Variants in PLOD2 observed in about 807,000 individuals in gnomAD.
PLOD2 encodes procollagen-lysine,2-oxoglutarate 5-dioxygenase 2, also known as lysine hydroxylase 2.
PLOD2 carries 65 observed loss-of-function variants against 101.0 expected under a neutral mutation model. The observed-to-expected ratio is 0.64, with a 90% CI of 0.53 to 0.79. The LOEUF (loss-of-function observed/expected upper bound fraction) is 0.79. Ranked by LOEUF, PLOD2 falls within the 30% of genes least tolerant of loss-of-function variation. The pLI is 0.00. For missense variants in PLOD2, 909 were observed against 914.6 expected (o/e 0.99, Z 0.08); for synonymous variants, 314 against 302.9 (o/e 1.04, Z -0.38).
At chr3:146,088,170 C>G (rs1936850479) in intron 9 of PLOD2, among the ~76,000 whole-genome samples, 1 of 151,580 alleles carries the variant, frequency 6.6e-6, no homozygotes, top group Non-Finnish European at 1.5e-5. Flanking sequence ...TGTAATTAAT[C>G]AAAACAGTAC....
In PLOD2 at chr3:146,106,557, T is replaced by C. The variant is rs1403840607; in HGVS notation, c.590A>G (p.Lys197Arg). Residue 197 changes from lysine to arginine, a missense_variant, in exon 5 of 20, where the codon AAA becomes AGA. By Grantham distance (26) the Lys-to-Arg change is conservative. Transcript: ENST00000282903. ...CCTTTTCAGTGGATCAATGTAAACTTTAGTGTAAAAGAGCTGATCATCATC... is the reference window on the plus strand; with the variant it reads ...CCTTTTCAGTGGATCAATGTAAACTCTAGTGTAAAAGAGCTGATCATCATC... ...DNDDDQLFYT[K>R]VYIDPLKREA... The C allele has an allele frequency of 2.6e-6, 4 of 1,562,888 alleles. No individual in the cohort carries two copies. The African/African-American group carries it at 5.4e-5, about 21-fold the overall frequency.
intron 7 of PLOD2, among the ~76,000 whole-genome samples, chr3:146,093,871 T>C (rs1292568954): frequency 2.6e-5 from 4 of 152,206 alleles, no homozygotes; most frequent in Admixed American, 2.6e-4. Context: ...GGAATTAAAC[T>C]TGTCACTTTC....
At chr3:146,107,622 ATTTTTTTTTTTTTTTT>A (rs71158215) in intron 4 of PLOD2, among the ~76,000 whole-genome samples, 3 of 68,870 alleles carry the variant, frequency 4.4e-5, no homozygotes, top group African/African-American at 5.8e-5. Flanking sequence ...TGCCATATAA[ATTTTTTTTTTTTTTTT>A]TTTTTTTTTT....
intron 3 of PLOD2, among the ~76,000 whole-genome samples, 167 bp downstream of exon 3, chr3:146,120,945 A>C (rs2108090935): frequency 6.6e-6 from 1 of 151,574 alleles, no homozygotes; most frequent in Middle Eastern, 3.4e-3. Flanking sequence ...CTGGTCTTGA[A>C]CTCCTGACCT....
chr3:146,075,764 G>C (rs1205573517), intron 15 of PLOD2, among the ~76,000 whole-genome samples: 2 of 151,456 alleles, frequency 1.3e-5, no homozygotes, highest in African/African-American at 4.8e-5. Context: ...TGGTGCTTTT[G>C]AATACACAAA....
rs150167832 is a variant in PLOD2 at position 146,085,418 on chromosome 3, G to A, written c.1128-145C>T. On this transcript the variant is annotated intron_variant, in intron 10 of 19. Coordinates refer to ENST00000282903, the MANE Select transcript of PLOD2 (RefSeq NM_182943.3). ...AAAATAGTGGAACAATATCTGAAAC[G>A]ATATATATATTGTCTTAAATTTCAA... 1.9e-3 allele frequency: 1,241 copies of A among 644,378 alleles called. 12 individuals are homozygous for A. In the African/African-American group the frequency reaches 0.021, roughly 11 times the overall value. The allele number at this position is 644,378 out of a possible 1,614,324, so 39.9% of individuals were successfully genotyped here. A position where few individuals can be genotyped will look rare whatever the true frequency, so the allele number is the denominator to read the frequency against.
chr3:146,077,242 T>A (rs1245445725), intron 14 of PLOD2: 2 of 795,612 alleles, frequency 2.5e-6, no homozygotes, highest in African/African-American at 1.9e-5. Flanking sequence ...GAATTATACC[T>A]CTTTTGGCTT....
intron 3 of PLOD2, among the ~76,000 whole-genome samples, chr3:146,113,994 AAT>A (rs1167120108): frequency 6.6e-6 from 1 of 152,120 alleles, no homozygotes; most frequent in Admixed American, 6.6e-5. Context: ...CCGCTCTAGG[AAT>A]GTCTGTCTTA....
At chr3:146,138,007 G>GCCC (rs1559868184) in intron 1 of PLOD2, among the ~76,000 whole-genome samples, 1 of 152,124 alleles carries the variant, frequency 6.6e-6, no homozygotes, top group Non-Finnish European at 1.5e-5. Context: ...CAGAAATGGA[G>GCCC]AGGGATTCGT....
chr3:146,119,026 C>T (rs1420001178), intron 3 of PLOD2, among the ~76,000 whole-genome samples: 4 of 152,054 alleles, frequency 2.6e-5, no homozygotes, highest in Non-Finnish European at 4.4e-5. Flanking sequence ...GAATCTACGT[C>T]CCCACCCACA....
At chr3:146,096,323 G>A (rs1266329102) in intron 7 of PLOD2, among the ~76,000 whole-genome samples, 1 of 86,138 alleles carries the variant, frequency 1.2e-5, no homozygotes, top group Admixed American at 1.1e-4. Flanking sequence ...GGGAAGTGAG[G>A]AGCGTCTCTG....
chr3:146,137,491 T>G (rs990041585), intron 1 of PLOD2, among the ~76,000 whole-genome samples: 4 of 152,178 alleles, frequency 2.6e-5, no homozygotes, highest in African/African-American at 9.7e-5. Context: ...TCAAGTGATC[T>G]GCCTGCCTTG....
intron 9 of PLOD2, 46 bp from the exon 10 acceptor site, chr3:146,086,954 G>C (rs756248567): frequency 2.4e-5 from 29 of 1,184,926 alleles, no homozygotes; most frequent in African/African-American, 4.6e-5. Flanking sequence ...AAGACAATCA[G>C]ATGACTGAAG....
intron 9 of PLOD2, 137 bp from the exon 10 acceptor site, chr3:146,087,045 A>T: frequency 2.1e-6 from 1 of 470,392 alleles, no homozygotes; most frequent in Admixed American, 3.8e-5. Context: ...AATAATAACC[A>T]TATTAAACAC....
At chr3:146,160,419 G>C (rs928934565) in intron 1 of PLOD2, among the ~76,000 whole-genome samples, 1 of 152,172 alleles carries the variant, frequency 6.6e-6, no homozygotes, top group Non-Finnish European at 1.5e-5. Context: ...GCAAGAGGGA[G>C]GTGTTACCGG....
intron 1 of PLOD2, among the ~76,000 whole-genome samples, chr3:146,138,173 GGTT>G (rs1488147587): frequency 6.6e-6 from 1 of 152,064 alleles, no homozygotes; most frequent in East Asian, 1.9e-4. Flanking sequence ...TACCACATGA[GGTT>G]GTGAGCAGAG....
chr3:146,129,786 A>C (rs912331052), intron 1 of PLOD2, among the ~76,000 whole-genome samples: 1 of 152,146 alleles, frequency 6.6e-6, no homozygotes, highest in Non-Finnish European at 1.5e-5. Context: ...GTTTATTCAA[A>C]CAGTTTAGCA....
At position 146,104,274 on chromosome 3, in the gene PLOD2, C is replaced by T; in HGVS notation, c.679+5G>A. On this transcript the variant is annotated splice_donor_5th_base_variant and intron_variant, in intron 6 of 19. Coordinates refer to ENST00000282903, the MANE Select transcript of PLOD2 (RefSeq NM_182943.3). ...CGTAAGCAATCCGGTATTTAGGAAG[C>T]ATACCTACAGCTCCATTTAAGGTCT... 1 of 1,551,956 alleles carries T rather than the reference C, an allele frequency of 6.4e-7. No homozygotes were observed. The highest frequency in any genetic ancestry group is 1.1e-5 in the South Asian group (1 of 89,878).
chr3:146,131,449 T>G (rs1163191387), intron 1 of PLOD2, among the ~76,000 whole-genome samples: 2 of 152,182 alleles, frequency 1.3e-5, no homozygotes, highest in African/African-American at 4.8e-5. Context: ...CATTATGCTG[T>G]GTTCTGTACT....
Sources: allele counts gnomAD v4.1 joint callset (sites outside exome capture counted in the v4.1 genomes callset), GRCh38; gene constraint gnomAD v4.1.1; transcripts MANE v1.5; gene names NCBI Gene and HGNC (gene_info 2026-07-23, HGNC 2026-07-21).